WIPI1: variants seen among roughly 807,000 people sequenced by gnomAD.
WIPI1 encodes the protein WD repeat domain, phosphoinositide interacting 1.
A neutral mutation model predicts 55.3 loss-of-function variants in WIPI1; 45 were observed. The ratio of observed to expected loss-of-function variants is 0.81; its 90% CI spans 0.64 to 1.04. The LOEUF (loss-of-function observed/expected upper bound fraction) is 1.04, where lower values mean the gene tolerates loss of function less well. Among genes scored for constraint, WIPI1 ranks in the 50% least tolerant of loss-of-function variants. WIPI1 has a pLI of 0.00. For missense variants in WIPI1, 445 were observed against 559.0 expected (o/e 0.80, Z 2.06); for synonymous variants, 195 against 217.6 (o/e 0.90, Z 0.92).
At chr17:68,437,974 G>A (rs1462989201) in intron 4 of WIPI1, among the ~76,000 whole-genome samples, 228 of 64,480 alleles carry the variant, frequency 3.5e-3, no homozygotes, top group Middle Eastern at 0.015. Flanking sequence ...AAAAAAAAAA[G>A]TGACTGGCGT....
intron 1 of WIPI1, among the ~76,000 whole-genome samples, chr17:68,453,938 T>A (rs1320736397): frequency 1.3e-5 from 2 of 152,184 alleles, no homozygotes; most frequent in Non-Finnish European, 2.9e-5. Context: ...GATTTGAAGT[T>A]CAAGTATTCT....
At chr17:68,432,076 C>T (rs2083553745) in intron 8 of WIPI1, among the ~76,000 whole-genome samples, 1 of 152,190 alleles carries the variant, frequency 6.6e-6, no homozygotes, top group South Asian at 2.1e-4. Context: ...TGGATATAAT[C>T]TCCAGGGAAA....
At chr17:68,426,242 T>TGGCGGG (rs1555798451) in intron 11 of WIPI1, 67 bp from the exon 12 acceptor site, 1 of 669,002 alleles carries the variant, frequency 1.5e-6, no homozygotes, top group Admixed American at 4.2e-5. Flanking sequence ...ACCTGGCGGG[T>TGGCGGG]GGGGAGCGGG....
intron 10 of WIPI1, 103 bp from the exon 11 acceptor site, chr17:68,427,356 G>A: frequency 1.1e-6 from 1 of 871,100 alleles, no homozygotes. Flanking sequence ...TCAGCTCTGT[G>A]GGTTATTTAT....
At chr17:68,440,893 G>A (rs991393864) in intron 4 of WIPI1, 6 of 152,188 alleles carry the variant, frequency 3.9e-5, no homozygotes, top group South Asian at 2.1e-4. Context: ...TACGCTTTCC[G>A]ATTTTCAAAA....
At position 68,435,686 on chromosome 17, in the gene WIPI1, A is replaced by G. The variant is rs149610138; in HGVS notation, c.555T>C (p.His185=). The G allele has an allele frequency of 9.6e-5, 155 of 1,614,214 alleles. 2 individuals are homozygous for G. The African/African-American group carries it at 1.5e-3, about 16-fold the overall frequency. Residue 185 remains histidine, a synonymous_variant, in exon 6 of 13, where the codon CAT becomes CAC. Transcript: ENST00000262139. The part of the protein sequence containing the change: ...SLKTVCTIAA[H]EGTLAAITFN... ...AGGTGATGGCAGCTAGTGTTCCCTC[A>G]TGGGCAGCAATAGTGCAGACTGTTT...
chr17:68,446,496 C>T (rs2084290063), intron 3 of WIPI1, among the ~76,000 whole-genome samples: 1 of 152,102 alleles, frequency 6.6e-6, no homozygotes, highest in Non-Finnish European at 1.5e-5. Flanking sequence ...CTCAGTTTTA[C>T]CTAAGGCTCT....
chr17:68,447,788 C>G (rs1808333), intron 3 of WIPI1, among the ~76,000 whole-genome samples: 1 of 151,678 alleles, frequency 6.6e-6, no homozygotes, highest in Non-Finnish European at 1.5e-5. Context: ...GTCAGGAGAT[C>G]GAGAACATCC....
chr17:68,437,489 G>T (rs986281346), intron 4 of WIPI1, among the ~76,000 whole-genome samples: 2 of 152,066 alleles, frequency 1.3e-5, no homozygotes, highest in African/African-American at 2.4e-5. Context: ...TGGAGGTGGA[G>T]GCTGCAGTGA....
At chr17:68,454,223 C>T (rs1028825980) in intron 1 of WIPI1, among the ~76,000 whole-genome samples, 8 of 152,190 alleles carry the variant, frequency 5.3e-5, no homozygotes, top group African/African-American at 9.7e-5. Context: ...CTGTGCCCTC[C>T]GCACCTAAGT....
In WIPI1 at chr17:68,426,195, C is replaced by T; in HGVS notation, c.1193-20G>A. 1 of 1,575,110 alleles carries T rather than the reference C, an allele frequency of 6.3e-7. No homozygotes were observed. Among genetic ancestry groups the T allele is most frequent in the Non-Finnish European group, 8.6e-7 (1 of 1,159,218 alleles). On this transcript the variant is annotated intron_variant, in intron 11 of 12. Coordinates refer to ENST00000262139, the MANE Select transcript of WIPI1 (RefSeq NM_017983.7). ...AATAACCTGGAAACCAAGAAAGAGA[C>T]ATGAAACAAGCACTGGGGATCTGCT...
chr17:68,422,887 T>C (rs1474840136), intron 12 of WIPI1, among the ~76,000 whole-genome samples: 5 of 152,146 alleles, frequency 3.3e-5, no homozygotes, highest in Non-Finnish European at 5.9e-5. Context: ...TCCTCCCGAA[T>C]GTAGCAGCTT....
rs559138181 is a variant in WIPI1 at position 68,450,961 on chromosome 17, C to T, written c.164-64G>A. 3.2e-6 allele frequency: 5 copies of T among 1,554,840 alleles called. No individual in the cohort carries two copies. In the African/African-American group the frequency reaches 4.1e-5, roughly 13 times the overall value. ...CACTTCCAAGAAGGATTCCAGCCTC[C>T]ATGACACTGGGCCCGGCGCAGGCCA... On this transcript the variant is annotated intron_variant, in intron 2 of 12. Transcript: ENST00000262139.
rs901043002 is a variant in WIPI1, at chr17:68,427,002, G to A, written c.1192+133C>T. On this transcript the variant is annotated intron_variant, in intron 11 of 12. Transcript: ENST00000262139. ...GAGAGCACTCCACCCCCAGGTAACA[G>A]TGAAGGGGGAAGGGGAGGGAGGGCA... 5.9e-5 allele frequency: 43 copies of A among 723,356 alleles called. No homozygotes were observed. In the African/African-American group the frequency reaches 6.4e-4, roughly 11 times the overall value. The allele number at this position is 723,356 out of a possible 1,614,324, so 44.8% of individuals were successfully genotyped here.
At chr17:68,424,348 C>CA (rs1807073136) in intron 12 of WIPI1, 1 of 490,524 alleles carries the variant, frequency 2.0e-6, no homozygotes, top group Non-Finnish European at 4.2e-6. Context: ...GCCCTGCATG[C>CA]AGGGCCCCAC....
intron 4 of WIPI1, among the ~76,000 whole-genome samples, chr17:68,440,549 G>A (rs1385009172): frequency 6.6e-6 from 1 of 152,150 alleles, no homozygotes; most frequent in East Asian, 1.9e-4. Flanking sequence ...TCACTGTTCT[G>A]AACATCTGAG....
intron 12 of WIPI1, chr17:68,425,819 G>T: frequency 2.5e-6 from 1 of 405,752 alleles, no homozygotes; most frequent in Non-Finnish European, 4.4e-6. Context: ...TGGCTGGAGG[G>T]AGGCCACCAA....
chr17:68,446,984 G>A (rs1474257789), intron 3 of WIPI1, among the ~76,000 whole-genome samples: 4 of 152,226 alleles, frequency 2.6e-5, no homozygotes, highest in East Asian at 1.9e-4. Flanking sequence ...GGGTGGGCAC[G>A]ATGCTGCTGA....
At position 68,436,399 on chromosome 17, in the gene WIPI1, A is replaced by G; in HGVS notation, c.511T>C (p.Tyr171His). Reference sequence around the variant, plus strand: ...CAACTTACCAGGGAGTTTCCATCATAAAGCACAATCTCCCCTGAAGTCAGG... The same window carrying G: ...CAACTTACCAGGGAGTTTCCATCATGAAGCACAATCTCCCCTGAAGTCAGG... ...GSLTSGEIVL[Y>H]DGNSLKTVCT... Residue 171 changes from tyrosine (Y) to histidine (H), a missense_variant, in exon 5 of 13, where the codon TAT becomes CAT. Physicochemically the swap from Tyr to His is moderately conservative, Grantham distance 83. Coordinates refer to ENST00000262139, the MANE Select transcript of WIPI1 (RefSeq NM_017983.7). 6.2e-7 allele frequency: 1 copy of G among 1,613,936 alleles called. No homozygotes were observed. The highest frequency in any genetic ancestry group is 2.2e-5 in the East Asian group (1 of 44,880).
Sources: allele counts gnomAD v4.1 joint callset (sites outside exome capture counted in the v4.1 genomes callset), GRCh38; gene constraint gnomAD v4.1.1; transcripts MANE v1.5; gene names NCBI Gene and HGNC (gene_info 2026-07-23, HGNC 2026-07-21).